The following GATA6 variants were observed in gnomAD, a reference collection of about 807,000 sequenced individuals.
GATA6 encodes the protein transcription factor GATA-6.
GATA6 carries 11 observed loss-of-function variants against 48.1 expected under a neutral mutation model. The ratio of observed to expected loss-of-function variants is 0.23; its 90% CI spans 0.14 to 0.38. GATA6 has a LOEUF of 0.38. Ranked by LOEUF, GATA6 falls within the 10% of genes least tolerant of loss-of-function variation. The pLI, the probability that GATA6 is intolerant of heterozygous loss-of-function variation, is 1.00. For synonymous variants in GATA6, 419 were observed against 396.1 expected, an observed-to-expected ratio of 1.06 and a Z score of -0.69; for missense variants, 795 against 850.3, an observed-to-expected ratio of 0.93 and a Z score of 0.81.
chr18:22,176,670 C>A, intron 2 of GATA6: 1 of 371,776 alleles, frequency 2.7e-6, no homozygotes, highest in South Asian at 3.0e-5. Context: ...ACCTCCCCAC[C>A]GCTCATCTCG....
intron 6 of GATA6, among the ~76,000 whole-genome samples, chr18:22,183,286 A>T (rs2033221497): frequency 6.6e-6 from 1 of 152,232 alleles, no homozygotes. Context: ...TAACCCAAGT[A>T]AAAGCAAGAA....
At chr18:22,193,651 T>A (rs1432683273) in intron 6 of GATA6, among the ~76,000 whole-genome samples, 1 of 152,184 alleles carries the variant, frequency 6.6e-6, no homozygotes, top group Non-Finnish European at 1.5e-5. Context: ...AGGAGGCATG[T>A]GATCACCATC....
intron 6 of GATA6, among the ~76,000 whole-genome samples, chr18:22,193,108 G>A (rs183308089): frequency 6.5e-4 from 99 of 152,300 alleles, no homozygotes; most frequent in Non-Finnish European, 1.1e-3. Context: ...TTTGTTTGCC[G>A]AATTAAATAT....
chr18:22,187,496 T>A (rs77501733), intron 6 of GATA6, among the ~76,000 whole-genome samples: 3,458 of 145,654 alleles, frequency 0.024, 114 homozygotes, highest in African/African-American at 0.075. Context: ...AAAAAAAAAA[T>A]TTTTTTTCTT....
At chr18:22,182,148 T>C (rs1472623153) in intron 4 of GATA6, among the ~76,000 whole-genome samples, 1 of 152,194 alleles carries the variant, frequency 6.6e-6, no homozygotes, top group Non-Finnish European at 1.5e-5. Flanking sequence ...AGGAAATACA[T>C]GATCTCTTTG....
intron 3 of GATA6, among the ~76,000 whole-genome samples, chr18:22,180,893 C>T (rs1054119137): frequency 1.3e-5 from 2 of 151,994 alleles, no homozygotes; most frequent in Non-Finnish European, 2.9e-5. Flanking sequence ...CATTTCACGA[C>T]CTAAATCTTA....
rs1340816195 is a variant in GATA6 at position 22,171,495 on chromosome 18, C to G, written c.351C>G (p.Asp117Glu). The change falls in exon 2 of 7, where the codon GAC (aspartate) becomes GAG (glutamate). Residue 117 changes from aspartate (D) to glutamate (E), a missense_variant. Physicochemically the swap from Asp to Glu is conservative, Grantham distance 45 (BLOSUM62 2). Coordinates refer to ENST00000269216, the MANE Select transcript of GATA6 (RefSeq NM_005257.6). This position sits in a 1 kb window ranked among gnomAD's most constrained non-coding sequence, Gnocchi z 7.1. ...SSWEDLLLFTDLDQAATASKL... is the reference protein window; with the variant it reads ...SSWEDLLLFTELDQAATASKL... ...GGGAGGACTTGCTGCTGTTCACTGA[C>G]CTCGACCAAGCCGCGACCGCCAGCA... 6.2e-7 allele frequency: 1 copy of G among 1,602,244 alleles called. No homozygotes were observed. The highest frequency in any genetic ancestry group is 1.7e-5 in the Admixed American group (1 of 59,988).
At chr18:22,177,217 C>A in intron 3 of GATA6, 96 bp downstream of exon 3, 1 of 1,201,432 alleles carries the variant, frequency 8.3e-7, no homozygotes, top group Non-Finnish European at 1.1e-6. Context: ...TGGGCGTCCC[C>A]CTCCCAGGGG....
chr18:22,172,389 G>T lies in GATA6; in HGVS notation c.1135+110G>T. Reference sequence around the variant, plus strand: ...CTGTTTTCAGGACTTTCTCGTCCGGGTGCGCGGAGGTCGGCCTGGTCCCAG... The same window carrying T: ...CTGTTTTCAGGACTTTCTCGTCCGGTTGCGCGGAGGTCGGCCTGGTCCCAG... On this transcript the variant is annotated intron_variant, in intron 2 of 6. Transcript: ENST00000269216. This position sits in a 1 kb window ranked among gnomAD's most constrained non-coding sequence, Gnocchi z 5.2. 1.4e-6 allele frequency: 2 copies of T among 1,456,064 alleles called. No homozygotes were observed. The highest frequency in any genetic ancestry group is 4.6e-5 in the Admixed American group (2 of 43,654). The allele number at this position is 1,456,064 out of a possible 1,614,324, so 90.2% of individuals were successfully genotyped here.
chr18:22,188,610 T>G (rs764899513), intron 6 of GATA6, among the ~76,000 whole-genome samples: 1 of 152,182 alleles, frequency 6.6e-6, no homozygotes, highest in Non-Finnish European at 1.5e-5. Context: ...TGGACTTTAT[T>G]TAAATCCTGC....
Position 22,172,195 on chromosome 18 carries a change from G to T in GATA6, c.1051G>T (p.Ala351Ser). 1.4e-6 allele frequency: 2 copies of T among 1,433,356 alleles called. No individual in the cohort carries two copies. Among genetic ancestry groups the T allele is most frequent in the Non-Finnish European group, 1.8e-6 (2 of 1,083,462 alleles). The allele number at this position is 1,433,356 out of a possible 1,614,324, so 88.8% of individuals were successfully genotyped here. ...GGCGCCACTGACGCCTGCCTGGCCC[G>T]CCGGACCCTTCGAGACCCCGGTGCT... ...VGAPLTPAWP[A>S]GPFETPVLHS... The change falls in exon 2 of 7, where the codon GCC becomes TCC. Residue 351 changes from alanine (A) to serine (S), a missense_variant. Around this residue, in one of 5 missense-constraint regions of GATA6, gnomAD observed 591 missense variants for 570.0 expected, o/e 1.04. Transcript: ENST00000269216. The surrounding 1 kb of genome is among the most constrained non-coding windows in gnomAD (Gnocchi z 5.2).
At chr18:22,186,460 G>A (rs753210286) in intron 6 of GATA6, among the ~76,000 whole-genome samples, 2 of 152,308 alleles carry the variant, frequency 1.3e-5, no homozygotes, top group African/African-American at 2.4e-5. Flanking sequence ...GGAGATCACC[G>A]GTAGGCATTC....
At chr18:22,181,615 A>G (rs1281883774) in intron 4 of GATA6, 37 bp downstream of exon 4, 13 of 1,612,344 alleles carry the variant, frequency 8.1e-6, no homozygotes, top group Non-Finnish European at 1.1e-5. Context: ...ATATACATTT[A>G]GTATCTGGTT....
chr18:22,171,114 G>C lies in GATA6; in HGVS notation c.-31G>C. ...CTCCCCCACCCCACCTCAGGAGCTA[G>C]ACGTCAGCTTGGAGCGGCGCCGGAC... On this transcript the variant is annotated 5_prime_UTR_variant, in exon 2 of 7. An upstream open reading frame in the 5' UTR loses its in-frame stop. Transcript: ENST00000269216. The surrounding 1 kb of genome is among the most constrained non-coding windows in gnomAD (Gnocchi z 7.1). The C allele has an allele frequency of 6.3e-7, 1 of 1,591,720 alleles. No homozygotes were observed. The highest frequency in any genetic ancestry group is 8.5e-7 in the Non-Finnish European group (1 of 1,173,364).
At chr18:22,174,009 G>C (rs550658190) in intron 2 of GATA6, among the ~76,000 whole-genome samples, 1 of 152,312 alleles carries the variant, frequency 6.6e-6, no homozygotes, top group South Asian at 2.1e-4. Flanking sequence ...AATGGGATCG[G>C]GGGACCCTGT....
intron 6 of GATA6, among the ~76,000 whole-genome samples, chr18:22,198,057 T>C (rs2033412854): frequency 6.9e-6 from 1 of 144,784 alleles, no homozygotes; most frequent in Non-Finnish European, 1.5e-5. Context: ...ATGTTTCTTT[T>C]TTTCTTCTCT....
chr18:22,201,061 C>G lies in GATA6; in HGVS notation c.*238C>G. 6.9e-6 allele frequency: 4 copies of G among 581,798 alleles called. No homozygotes were observed. In the South Asian group the frequency reaches 8.5e-5, roughly 12 times the overall value. The allele number at this position is 581,798 out of a possible 1,614,324, so 36.0% of individuals were successfully genotyped here. On this transcript the variant is annotated 3_prime_UTR_variant, in exon 7 of 7. Coordinates refer to ENST00000269216, the MANE Select transcript of GATA6 (RefSeq NM_005257.6). ...CCAGCCAGCCCGCCTCCGGGGCGGA[C>G]CCTGCTCCACTTCCAGAAGCCAGGA...
rs190874127 is a variant in GATA6 at position 22,172,647 on chromosome 18, C to A, written c.1135+368C>A. Reference sequence around the variant, plus strand: ...AACAGCGCTTGAGCCCCATCGCAGACCCTACTTTGGGTGAGTGGAAGAAAT... The same window carrying A: ...AACAGCGCTTGAGCCCCATCGCAGAACCTACTTTGGGTGAGTGGAAGAAAT... On this transcript the variant is annotated intron_variant, in intron 2 of 6. Transcript: ENST00000269216. This position sits in a 1 kb window ranked among gnomAD's most constrained non-coding sequence, Gnocchi z 5.2. Among the ~76,000 whole-genome samples, 15 of 152,304 alleles carry A rather than the reference C, an allele frequency of 9.8e-5. No individual in the cohort carries two copies. The highest frequency in any genetic ancestry group is 1.9e-4 in the Non-Finnish European group (13 of 68,034).
intron 2 of GATA6, among the ~76,000 whole-genome samples, chr18:22,175,094 G>T (rs982412004): frequency 1.3e-5 from 2 of 152,110 alleles, no homozygotes; most frequent in African/African-American, 4.8e-5. Context: ...GGGGGAACTT[G>T]GTGAGCAAGC....
Sources: allele counts gnomAD v4.1 joint callset (sites outside exome capture counted in the v4.1 genomes callset), GRCh38; gene constraint gnomAD v4.1.1; regional missense constraint gnomAD v4.1.1; non-coding constraint Gnocchi (gnomAD v3.1); transcripts MANE v1.5; gene names NCBI Gene and HGNC (gene_info 2026-07-23, HGNC 2026-07-21).